ZNF618: variants seen among roughly 807,000 people sequenced by gnomAD.
ZNF618 encodes zinc finger protein 618.
A neutral mutation model predicts 103.0 loss-of-function variants in ZNF618; 34 were observed. That is an observed-to-expected ratio of 0.33 (90% CI 0.25 to 0.44). The LOEUF (loss-of-function observed/expected upper bound fraction) is 0.44, where lower values mean the gene tolerates loss of function less well. Ranked by LOEUF, ZNF618 falls within the 20% of genes least tolerant of loss-of-function variation. ZNF618 has a pLI of 1.00. For synonymous variants in ZNF618, 551 were observed against 542.2 expected (o/e 1.02, Z -0.23); for missense variants, 1,059 against 1,295.4 (o/e 0.82, Z 2.80).
At chr9:114,020,145 T>G (rs1365691896) in intron 10 of ZNF618, among the ~76,000 whole-genome samples, 2 of 152,304 alleles carry the variant, frequency 1.3e-5, no homozygotes, top group East Asian at 3.9e-4. Context: ...GAAAGTTATT[T>G]GAATGTGTAA....
chr9:113,936,670 T>C (rs1024995772), intron 1 of ZNF618, among the ~76,000 whole-genome samples: 2 of 152,216 alleles, frequency 1.3e-5, no homozygotes, highest in African/African-American at 4.8e-5. Flanking sequence ...TGAGATAACA[T>C]GTAAAGTGCT....
chr9:114,042,365 C>A (rs1845272539), intron 13 of ZNF618, among the ~76,000 whole-genome samples: 1 of 152,112 alleles, frequency 6.6e-6, no homozygotes. Flanking sequence ...TGTTTAACTA[C>A]CATCACAATA....
intron 1 of ZNF618, among the ~76,000 whole-genome samples, chr9:113,951,577 A>ATATATG (rs1554733167): frequency 0.028 from 1,395 of 49,108 alleles, 93 homozygotes; most frequent in Admixed American, 0.029. Flanking sequence ...GTGTGTGTAT[A>ATATATG]TGTGTGTGTG....
chr9:113,963,401 G>A (rs769376243), intron 1 of ZNF618, among the ~76,000 whole-genome samples: 1 of 152,134 alleles, frequency 6.6e-6, no homozygotes, highest in Non-Finnish European at 1.5e-5. Flanking sequence ...CAAATGTATT[G>A]GTAAGAATTA....
chr9:113,966,589 T>C (rs528795875), intron 1 of ZNF618, among the ~76,000 whole-genome samples: 1 of 152,320 alleles, frequency 6.6e-6, no homozygotes, highest in South Asian at 2.1e-4. Flanking sequence ...CCCTGGGAGT[T>C]GGTGTTCCCA....
Position 113,948,181 on chromosome 9 carries a change from C to G in ZNF618, c.34-20936C>G, listed in dbSNP as rs116721927. On this transcript the variant is annotated intron_variant, in intron 1 of 14. Coordinates refer to ENST00000374126, the MANE Select transcript of ZNF618 (RefSeq NM_001318042.2). The stretch of plus-strand genomic sequence containing the variant: ...TAAATGGAGCGGTGGAATTTTCACT[C>G]CCTTTGTACTGAGGGCCTCAAGCAT... Among the ~76,000 whole-genome samples the G allele has an allele frequency of 4.7e-3, 723 of 152,246 alleles. 5 individuals are homozygous for G. The highest frequency in any genetic ancestry group is 0.017 in the African/African-American group (696 of 41,546).
At chr9:113,930,004 C>G (rs959383797) in intron 1 of ZNF618, among the ~76,000 whole-genome samples, 3 of 152,108 alleles carry the variant, frequency 2.0e-5, no homozygotes, top group Non-Finnish European at 4.4e-5. Flanking sequence ...AAAGCATTTC[C>G]TCTGATAACA....
At chr9:114,012,524 G>C (rs1842344455) in intron 9 of ZNF618, among the ~76,000 whole-genome samples, 1 of 152,148 alleles carries the variant, frequency 6.6e-6, no homozygotes. Context: ...TTTGAGGATG[G>C]GGACACAGTT....
At chr9:113,977,817 A>C (rs1838619880) in intron 2 of ZNF618, among the ~76,000 whole-genome samples, 1 of 152,088 alleles carries the variant, frequency 6.6e-6, no homozygotes, top group Non-Finnish European at 1.5e-5. Flanking sequence ...TAAATTTTGG[A>C]GTTTGTGACT....
At position 114,053,122 on chromosome 9, in the gene ZNF618, TCAGA is replaced by T. The variant is rs748561785; in HGVS notation, c.*2959_*2962del. On this transcript the variant is annotated 3_prime_UTR_variant, in exon 15 of 15. Coordinates refer to ENST00000374126, the MANE Select transcript of ZNF618 (RefSeq NM_001318042.2). ...AAGGCTGTACCAAGGTGCCCTCTTC[TCAGA>T]CAGGCTGTTCTCAGAGTGCAAATCC... The T allele has an allele frequency of 2.6e-5, 4 of 152,710 alleles. No individual in the cohort carries two copies. Among genetic ancestry groups the T allele is most frequent in the East Asian group, 1.9e-4 (1 of 5,184 alleles). The allele number at this position is 152,710 out of a possible 1,614,324, so 9.5% of individuals were successfully genotyped here.
rs1324909382 is a variant in ZNF618 at position 114,008,396 on chromosome 9, T to G, written c.676+17T>G. On this transcript the variant is annotated intron_variant, in intron 8 of 14. Coordinates refer to ENST00000374126, the MANE Select transcript of ZNF618 (RefSeq NM_001318042.2). ...ACCGGGCAGGTAAGTCCTTGGTGTCTGCTTGTCACCTCCCCTGTCCCCGGC... is the reference window on the plus strand; with the variant it reads ...ACCGGGCAGGTAAGTCCTTGGTGTCGGCTTGTCACCTCCCCTGTCCCCGGC... The G allele has an allele frequency of 6.2e-7, 1 of 1,614,006 alleles. No individual in the cohort carries two copies. The highest frequency in any genetic ancestry group is 1.7e-5 in the Admixed American group (1 of 60,032).
At chr9:113,917,575 T>C (rs1832247046) in intron 1 of ZNF618, among the ~76,000 whole-genome samples, 1 of 152,152 alleles carries the variant, frequency 6.6e-6, no homozygotes, top group African/African-American at 2.4e-5. Context: ...AAGTACTGTT[T>C]AAAATTATAC....
At chr9:114,042,521 A>C (rs974400287) in intron 13 of ZNF618, among the ~76,000 whole-genome samples, 2 of 152,280 alleles carry the variant, frequency 1.3e-5, no homozygotes, top group African/African-American at 4.8e-5. Flanking sequence ...TGTCTAAAAA[A>C]ATAAAATTAA....
At chr9:113,972,207 C>T (rs924171337) in intron 2 of ZNF618, among the ~76,000 whole-genome samples, 1 of 152,100 alleles carries the variant, frequency 6.6e-6, no homozygotes, top group Non-Finnish European at 1.5e-5. Context: ...AGCACTACCC[C>T]TGGCTAATTT....
intron 2 of ZNF618, among the ~76,000 whole-genome samples, chr9:113,978,837 A>C (rs1838721139): frequency 6.6e-6 from 1 of 152,144 alleles, no homozygotes; most frequent in Non-Finnish European, 1.5e-5. Context: ...CATATCAGGC[A>C]TTGCACAGAA....
At chr9:113,896,058 AT>A (rs11293152) in intron 1 of ZNF618, among the ~76,000 whole-genome samples, 94,329 of 151,432 alleles carry the variant, frequency 0.62, 29,724 homozygotes, top group African/African-American at 0.69. Flanking sequence ...TAGTTGTATT[AT>A]TTTTTTTCTT....
At chr9:113,945,364 T>C (rs1834919215) in intron 1 of ZNF618, among the ~76,000 whole-genome samples, 1 of 152,090 alleles carries the variant, frequency 6.6e-6, no homozygotes, top group South Asian at 2.1e-4. Context: ...AAGAGAGGAG[T>C]GTGTTCCTTC....
intron 1 of ZNF618, among the ~76,000 whole-genome samples, chr9:113,925,499 C>A (rs1833013373): frequency 6.7e-6 from 1 of 150,108 alleles, no homozygotes; most frequent in South Asian, 2.1e-4. Flanking sequence ...GGCATTTAGA[C>A]CATTCACATT....
At chr9:113,902,818 A>G (rs1830676574) in intron 1 of ZNF618, among the ~76,000 whole-genome samples, 2 of 152,170 alleles carry the variant, frequency 1.3e-5, no homozygotes, top group African/African-American at 4.8e-5. Context: ...TTTTCTGGCT[A>G]TTATAACTGG....
Sources: gnomAD v4.1 joint callset for allele counts (sites outside exome capture counted in the v4.1 genomes callset) on GRCh38, gnomAD v4.1.1 for gene constraint, MANE v1.5 for transcripts, NCBI Gene and HGNC (gene_info 2026-07-23, HGNC 2026-07-21) for gene names.